Variants in VAV2 observed in about 807,000 individuals in gnomAD.
VAV2 encodes vav guanine nucleotide exchange factor 2, also known as guanine nucleotide exchange factor VAV2.
VAV2 carries 67 observed loss-of-function variants against 132.5 expected under a neutral mutation model. That is an observed-to-expected ratio of 0.51 (90% CI 0.42 to 0.62). The LOEUF is 0.62. Among genes scored for constraint, VAV2 ranks in the 20% least tolerant of loss-of-function variants. The pLI, the probability that VAV2 is intolerant of heterozygous loss-of-function variation, is 0.00. For synonymous variants in VAV2, 492 were observed against 443.5 expected (o/e 1.11, Z -1.37); for missense variants, 938 against 1,153.6 (o/e 0.81, Z 2.71).
chr9:133,917,014 G>A (rs1840116070), intron 2 of VAV2, among the ~76,000 whole-genome samples: 1 of 152,166 alleles, frequency 6.6e-6, no homozygotes, highest in South Asian at 2.1e-4. Flanking sequence ...ATAAGGACGA[G>A]GTTGCCACTC....
chr9:133,810,237 G>T (rs574874211), intron 5 of VAV2, 32 bp from the exon 6 acceptor site: 1 of 1,612,954 alleles, frequency 6.2e-7, no homozygotes, highest in South Asian at 1.1e-5. Context: ...CAGAAACAGC[G>T]CCGGTTAGCA....
intron 1 of VAV2, among the ~76,000 whole-genome samples, chr9:133,957,504 A>G (rs988031534): frequency 3.3e-5 from 5 of 151,986 alleles, no homozygotes; most frequent in Non-Finnish European, 7.4e-5. Flanking sequence ...CCCTTCGCTG[A>G]CAGCACAGGT....
chr9:133,989,026 A>C, intron 1 of VAV2, among the ~76,000 whole-genome samples: 1 of 151,910 alleles, frequency 6.6e-6, no homozygotes, highest in East Asian at 1.9e-4. Flanking sequence ...CCTGGCCAAC[A>C]CGGTAAAACC....
chr9:133,966,566 C>T (rs769028650), intron 1 of VAV2, among the ~76,000 whole-genome samples: 3 of 152,092 alleles, frequency 2.0e-5, no homozygotes, highest in Admixed American at 6.6e-5. Flanking sequence ...ATTAGCCAGG[C>T]GTGGTGGCAC....
At chr9:133,897,302 C>A (rs977381079) in intron 2 of VAV2, among the ~76,000 whole-genome samples, 6 of 152,178 alleles carry the variant, frequency 3.9e-5, no homozygotes, top group Non-Finnish European at 8.8e-5. Flanking sequence ...AGGCGGGTGC[C>A]AGCCTCAGCC....
In VAV2 at chr9:133,834,443, A is replaced by G; in HGVS notation, c.381-103T>C. ...CAGAGCCCAGTGTGGCCCAGCCAGG[A>G]GCAAAGGGGCTCTTGTCCACTCTCT... On this transcript the variant is annotated intron_variant, in intron 3 of 29. Coordinates refer to ENST00000371850, the MANE Select transcript of VAV2 (RefSeq NM_001134398.2). This position sits in a 1 kb window ranked among gnomAD's most constrained non-coding sequence, Gnocchi z 5.9. 1 of 1,191,670 alleles carries G rather than the reference A, an allele frequency of 8.4e-7. No individual in the cohort carries two copies. The highest frequency in any genetic ancestry group is 1.2e-6 in the Non-Finnish European group (1 of 837,374). 73.8% of individuals were successfully genotyped at this position (1,191,670 alleles called of 1,614,324 possible). A position where few individuals can be genotyped will look rare whatever the true frequency, so the allele number is the denominator to read the frequency against.
intron 4 of VAV2, among the ~76,000 whole-genome samples, chr9:133,813,327 G>GGCAGA (rs1835429968): frequency 6.6e-6 from 1 of 152,198 alleles, no homozygotes; most frequent in Non-Finnish European, 1.5e-5. Flanking sequence ...GGCGAGGCAG[G>GGCAGA]GACAGAAGCC....
chr9:133,952,742 G>C (rs1204064930), intron 1 of VAV2, among the ~76,000 whole-genome samples: 2 of 152,206 alleles, frequency 1.3e-5, no homozygotes, highest in African/African-American at 4.8e-5. Flanking sequence ...TTGGCATGAT[G>C]CAGCCACAAG....
In VAV2 at chr9:133,834,301, G is replaced by T; in HGVS notation, c.420C>A (p.Asp140Glu). The change falls in exon 4 of 30, where the codon GAC (aspartate) becomes GAA (glutamate). Residue 140 changes from aspartate (D) to glutamate (E), a missense_variant. Coordinates refer to ENST00000371850, the MANE Select transcript of VAV2 (RefSeq NM_001134398.2). The surrounding 1 kb of genome is among the most constrained non-coding windows in gnomAD (Gnocchi z 5.9). The stretch of plus-strand genomic sequence containing the variant: ...CCAGCTCCTCCAGGCTGCGGTAGAC[G>T]TCATCGTCATTCTCTGTGGTCTCCT... Reference protein sequence around the residue: ...PSEETTENDDDVYRSLEELAD... With the variant: ...PSEETTENDDEVYRSLEELAD... 1 of 1,612,574 alleles carries T rather than the reference G, an allele frequency of 6.2e-7. No individual in the cohort carries two copies. Among genetic ancestry groups the T allele is most frequent in the Non-Finnish European group, 8.5e-7 (1 of 1,179,430 alleles).
intron 1 of VAV2, among the ~76,000 whole-genome samples, chr9:133,968,420 G>T (rs889104957): frequency 6.6e-6 from 1 of 152,128 alleles, no homozygotes; most frequent in Non-Finnish European, 1.5e-5. Context: ...AAGGTTGTGG[G>T]GGGGAAAAAC....
At chr9:133,945,017 C>T (rs1453683671) in intron 1 of VAV2, among the ~76,000 whole-genome samples, 1 of 152,190 alleles carries the variant, frequency 6.6e-6, no homozygotes, top group Non-Finnish European at 1.5e-5. Flanking sequence ...TCCAGAAGGC[C>T]AGGCACTGGG....
At chr9:133,850,696 C>T (rs1837133356) in intron 3 of VAV2, among the ~76,000 whole-genome samples, 2 of 152,206 alleles carry the variant, frequency 1.3e-5, no homozygotes, top group Admixed American at 1.3e-4. Flanking sequence ...CCCGTGAGCC[C>T]ACTGGGGTCA....
In VAV2 at chr9:133,834,388, G is replaced by A. The variant is rs377040301; in HGVS notation, c.381-48C>T. Reference sequence around the variant, plus strand: ...GAGGTGAGCAGGTCCCGGCACTGCCGGCCAGTGGGACCCCAGCTGGACCCC... The same window carrying A: ...GAGGTGAGCAGGTCCCGGCACTGCCAGCCAGTGGGACCCCAGCTGGACCCC... On this transcript the variant is annotated intron_variant, in intron 3 of 29. Transcript: ENST00000371850. The surrounding 1 kb of genome is among the most constrained non-coding windows in gnomAD (Gnocchi z 5.9). 57 of 1,586,868 alleles carry A rather than the reference G, an allele frequency of 3.6e-5. No homozygotes were observed. The African/African-American group carries it at 5.5e-4, about 15-fold the overall frequency.
chr9:133,793,348 T>C (rs1834574915), intron 12 of VAV2, among the ~76,000 whole-genome samples: 1 of 151,858 alleles, frequency 6.6e-6, no homozygotes, highest in Non-Finnish European at 1.5e-5. Flanking sequence ...AGCCAGGTCT[T>C]CAGCAGGTTC....
At position 133,877,136 on chromosome 9, in the gene VAV2, C is replaced by T. The variant is rs150185767; in HGVS notation, c.322-15704G>A. Among the ~76,000 whole-genome samples the T allele has an allele frequency of 2.8e-3, 419 of 152,310 alleles. 2 individuals carry two copies. The highest frequency in any genetic ancestry group is 5.1e-3 in the Non-Finnish European group (349 of 68,018). On this transcript the variant is annotated intron_variant, in intron 2 of 29. Transcript: ENST00000371850. The stretch of plus-strand genomic sequence containing the variant: ...CCATTTCTGTTTCCCACAGAACCCC[C>T]GCCCGGCCTGCTAGACCCCCTTCTG...
At chr9:133,797,607 C>T in intron 10 of VAV2, 103 bp downstream of exon 10, 1 of 1,044,666 alleles carries the variant, frequency 9.6e-7, no homozygotes, top group Non-Finnish European at 1.4e-6. Context: ...CCATCACCAC[C>T]TTCCCAACAA....
intron 7 of VAV2, among the ~76,000 whole-genome samples, chr9:133,808,476 G>C (rs908138785): frequency 2.0e-5 from 3 of 152,224 alleles, no homozygotes; most frequent in Non-Finnish European, 2.9e-5. Context: ...AGGCCCAGGT[G>C]GGGTAGGGGA....
At chr9:133,865,878 T>C (rs757671455) in intron 2 of VAV2, among the ~76,000 whole-genome samples, 4 of 152,250 alleles carry the variant, frequency 2.6e-5, no homozygotes, top group Non-Finnish European at 5.9e-5. Context: ...GACATAACTA[T>C]GAGGGCTCTC....
At chr9:133,903,273 C>T (rs1830725228) in intron 2 of VAV2, among the ~76,000 whole-genome samples, 1 of 152,138 alleles carries the variant, frequency 6.6e-6, no homozygotes, top group Non-Finnish European at 1.5e-5. Context: ...GGTTCCAGTA[C>T]ATTTCGGTGG....
Sources: gnomAD v4.1 joint callset for allele counts (sites outside exome capture counted in the v4.1 genomes callset) on GRCh38, gnomAD v4.1.1 for gene constraint, Gnocchi (gnomAD v3.1) non-coding constraint, MANE v1.5 for transcripts, NCBI Gene and HGNC (gene_info 2026-07-23, HGNC 2026-07-21) for gene names.